Variants in XKR4 observed in about 807,000 individuals in gnomAD.
The protein encoded by XKR4 is XK-related protein 4.
XKR4 carries 12 observed loss-of-function variants against 53.9 expected under a neutral mutation model. The ratio of observed to expected loss-of-function variants is 0.22; its 90% CI spans 0.14 to 0.36. The LOEUF is 0.36. Among genes scored for constraint, XKR4 ranks in the 10% least tolerant of loss-of-function variants. The pLI, the probability that XKR4 is intolerant of heterozygous loss-of-function variation, is 1.00. For missense variants in XKR4, 799 were observed against 859.5 expected, an observed-to-expected ratio of 0.93 and a Z score of 0.88; for synonymous variants, 354 against 362.4, an observed-to-expected ratio of 0.98 and a Z score of 0.26.
At chr8:55,266,427 C>T (rs1222470803) in intron 1 of XKR4, among the ~76,000 whole-genome samples, 2 of 151,992 alleles carry the variant, frequency 1.3e-5, no homozygotes, top group Non-Finnish European at 2.9e-5. Flanking sequence ...TCAGAATGGA[C>T]ACAGATTTAA....
intron 1 of XKR4, among the ~76,000 whole-genome samples, chr8:55,237,317 T>C (rs962400609): frequency 5.3e-5 from 8 of 152,212 alleles, no homozygotes; most frequent in Admixed American, 2.6e-4. Flanking sequence ...TACTGTTGAT[T>C]AGAAGCCTTA....
chr8:55,461,475 C>T (rs923184973), intron 2 of XKR4, among the ~76,000 whole-genome samples: 1 of 152,170 alleles, frequency 6.6e-6, no homozygotes, highest in African/African-American at 2.4e-5. Flanking sequence ...CCCAACTGTA[C>T]ATCACTATCA....
intron 1 of XKR4, among the ~76,000 whole-genome samples, chr8:55,152,535 A>AT (rs1205623643): frequency 6.6e-6 from 1 of 152,218 alleles, no homozygotes; most frequent in Non-Finnish European, 1.5e-5. Flanking sequence ...TACATTCTAA[A>AT]TTATTAATTC....
chr8:55,243,722 T>C (rs1481145405), intron 1 of XKR4, among the ~76,000 whole-genome samples: 2 of 152,220 alleles, frequency 1.3e-5, no homozygotes, highest in East Asian at 3.8e-4. Flanking sequence ...AATATGTGCA[T>C]TTTAATTGCA....
chr8:55,475,110 G>A (rs1223375321), intron 2 of XKR4, among the ~76,000 whole-genome samples: 1 of 152,052 alleles, frequency 6.6e-6, no homozygotes, highest in Non-Finnish European at 1.5e-5. Context: ...ATACTAAATA[G>A]TACACGGATA....
At chr8:55,417,428 G>A (rs747002060) in intron 2 of XKR4, among the ~76,000 whole-genome samples, 42 of 152,162 alleles carry the variant, frequency 2.8e-4, no homozygotes, top group Non-Finnish European at 5.1e-4. Context: ...CTGGCACAAG[G>A]TAGACAAAAA....
intron 1 of XKR4, among the ~76,000 whole-genome samples, chr8:55,158,019 T>C (rs1449917758): frequency 2.0e-5 from 3 of 152,356 alleles, no homozygotes; most frequent in Admixed American, 2.0e-4. Context: ...TTATATTCCT[T>C]TGAAAATATA....
At chr8:55,453,572 GTCC>G in intron 2 of XKR4, 1 of 386,300 alleles carries the variant, frequency 2.6e-6, no homozygotes, top group Non-Finnish European at 5.0e-6. Context: ...GGGCCCTGTG[GTCC>G]TCCTCCCAGC....
chr8:55,487,948 T>A (rs1806218386), intron 2 of XKR4, among the ~76,000 whole-genome samples: 1 of 152,184 alleles, frequency 6.6e-6, no homozygotes, highest in Non-Finnish European at 1.5e-5. Context: ...AATGCACTAA[T>A]CCCTTCCACA....
intron 1 of XKR4, among the ~76,000 whole-genome samples, chr8:55,122,443 C>G (rs1214330396): frequency 2.0e-5 from 3 of 152,078 alleles, no homozygotes; most frequent in Non-Finnish European, 1.5e-5. Context: ...GACACTAAAA[C>G]CTTATTAAAT....
intron 1 of XKR4, among the ~76,000 whole-genome samples, chr8:55,300,308 G>C (rs1425831817): frequency 1.3e-5 from 2 of 152,174 alleles, no homozygotes; most frequent in Non-Finnish European, 2.9e-5. Flanking sequence ...TTAAATGACA[G>C]ATGCAGGAGC....
At chr8:55,415,387 TAAA>T (rs947252148) in intron 2 of XKR4, among the ~76,000 whole-genome samples, 16 of 152,260 alleles carry the variant, frequency 1.1e-4, no homozygotes, top group Admixed American at 3.9e-4. Flanking sequence ...ACCATGGCTG[TAAA>T]AAGTAATGAT....
chr8:55,396,809 T>A (rs1489484596), intron 2 of XKR4, among the ~76,000 whole-genome samples: 1 of 152,210 alleles, frequency 6.6e-6, no homozygotes, highest in Non-Finnish European at 1.5e-5. Context: ...AAAACTAAAA[T>A]CATGCTTTAA....
intron 1 of XKR4, among the ~76,000 whole-genome samples, chr8:55,270,018 T>C (rs181253874): frequency 1.3e-5 from 2 of 152,316 alleles, no homozygotes; most frequent in East Asian, 3.9e-4. Context: ...TCAAAATCCT[T>C]ACATGTCATT....
chr8:55,492,600 G>A (rs909486772), intron 2 of XKR4, among the ~76,000 whole-genome samples: 1 of 152,350 alleles, frequency 6.6e-6, no homozygotes, highest in Middle Eastern at 3.4e-3. Context: ...CCATCGCTTA[G>A]AAGAAGTGCC....
intron 2 of XKR4, among the ~76,000 whole-genome samples, chr8:55,446,086 G>C (rs1431322719): frequency 6.6e-6 from 1 of 152,132 alleles, no homozygotes; most frequent in African/African-American, 2.4e-5. Flanking sequence ...GCTGCACTTT[G>C]TCCTCCTGCC....
At chr8:55,325,084 A>T (rs78990856) in intron 1 of XKR4, among the ~76,000 whole-genome samples, 8,629 of 152,174 alleles carry the variant, frequency 0.057, 337 homozygotes, top group Admixed American at 0.12. Flanking sequence ...TGTGCCACAA[A>T]ATTTATGTGC....
intron 1 of XKR4, among the ~76,000 whole-genome samples, chr8:55,128,060 T>C (rs1014374515): frequency 2.0e-5 from 3 of 152,158 alleles, no homozygotes; most frequent in African/African-American, 4.8e-5. Flanking sequence ...TGTGTCTTTA[T>C]AGCAGCATGA....
At chr8:55,349,244 A>G (rs1803692875) in intron 1 of XKR4, among the ~76,000 whole-genome samples, 1 of 152,226 alleles carries the variant, frequency 6.6e-6, no homozygotes, top group Non-Finnish European at 1.5e-5. Context: ...ATGATTGTTC[A>G]GAACTGAAGT....
Sources: gnomAD v4.1 joint callset for allele counts (sites outside exome capture counted in the v4.1 genomes callset) on GRCh38, gnomAD v4.1.1 for gene constraint, MANE v1.5 for transcripts, NCBI Gene and HGNC (gene_info 2026-07-23, HGNC 2026-07-21) for gene names.